Variants in XPNPEP2 observed in about 807,000 individuals in gnomAD.
XPNPEP2 encodes xaa-Pro aminopeptidase 2.
A neutral mutation model predicts 59.8 loss-of-function variants in XPNPEP2; 64 were observed. The observed-to-expected ratio is 1.07, with a 90% CI of 0.87 to 1.32. The LOEUF (loss-of-function observed/expected upper bound fraction) is 1.32. Ranked by LOEUF, XPNPEP2 falls within the 40% of genes most tolerant of loss-of-function variation. The pLI, the probability that XPNPEP2 is intolerant of heterozygous loss-of-function variation, is 0.00. For missense variants in XPNPEP2, 575 were observed against 546.8 expected, an observed-to-expected ratio of 1.05 and a Z score of -0.51; for synonymous variants, 235 against 210.0, an observed-to-expected ratio of 1.12 and a Z score of -1.03.
chrX:129,765,547 C>G (rs189109872), intron 19 of XPNPEP2, among the ~76,000 whole-genome samples: 191 of 110,349 alleles, frequency 1.7e-3, no homozygotes, highest in Non-Finnish European at 3.0e-3. Flanking sequence ...TGAGAATCAT[C>G]GAAGTCACTA....
Position 129,746,648 on chromosome X carries a change from C to T in XPNPEP2, c.457C>T (p.Arg153Cys), listed in dbSNP as rs199567476. The T allele has an allele frequency of 5.0e-6, 6 of 1,208,203 alleles. No homozygotes were observed. Among genetic ancestry groups the T allele is most frequent in the South Asian group, 1.8e-5 (1 of 56,657 alleles). The change falls in exon 6 of 21, where the codon CGT (arginine) becomes TGT (cysteine). Residue 153 changes from arginine to cysteine, a missense_variant. Physicochemically the swap from Arg to Cys is radical, Grantham distance 180. Transcript: ENST00000371106. ...CCTCACCGAGATTCCTGCTGGAGGG[C>T]GTGTGGGTTTTGACCCCTTCCTCTT... is the stretch of plus-strand genomic sequence containing the variant. ...WLLTEIPAGG[R>C]VGFDPFLLSI... is the part of the protein sequence containing the mutation.
rs779438075 is a variant in XPNPEP2, at chrX:129,769,514, C to T, written c.*1029C>T. On this transcript the variant is annotated 3_prime_UTR_variant, in exon 21 of 21. Coordinates refer to ENST00000371106, the MANE Select transcript of XPNPEP2 (RefSeq NM_003399.6). Reference sequence around the variant, plus strand: ...CACCTGGGTCCACATCCTGCTAAGACGTTTAAAACAGCCTAACAAAGACAC... The same window carrying T: ...CACCTGGGTCCACATCCTGCTAAGATGTTTAAAACAGCCTAACAAAGACAC... 3.6e-5 allele frequency: 4 copies of T among 112,221 alleles called. No individual in the cohort carries two copies. The South Asian group carries it at 1.1e-3, about 31-fold the overall frequency. 9.2% of individuals were successfully genotyped at this position (112,221 alleles called of 1,213,427 possible). A position where few individuals can be genotyped will look rare whatever the true frequency, so the allele number is the denominator to read the frequency against.
chrX:129,749,343 A>C (rs1926352947), intron 7 of XPNPEP2, among the ~76,000 whole-genome samples: 1 of 112,415 alleles, frequency 8.9e-6, no homozygotes, highest in Non-Finnish European at 1.9e-5. Context: ...CAACATTGTG[A>C]GTATGCTGAA....
chrX:129,762,746 T>C lies in XPNPEP2; in HGVS notation c.1716T>C (p.Ala572=). The change falls in exon 19 of 21, where the codon GCT becomes GCC. Residue 572 remains alanine, a synonymous_variant. Coordinates refer to ENST00000371106, the MANE Select transcript of XPNPEP2 (RefSeq NM_003399.6). ...TTGGGATCCGTCTCGAAGATGTGGC[T>C]CTCGTGGTAGAAGCAAAGACCAAGG... ...GEFGIRLEDV[A]LVVEAKTKYP... is the part of the protein sequence containing the mutation. 2 of 1,211,577 alleles carry C rather than the reference T, an allele frequency of 1.7e-6. No homozygotes were observed. The highest frequency in any genetic ancestry group is 1.1e-6 in the Non-Finnish European group (1 of 895,381).
In XPNPEP2 at chrX:129,756,404, A is replaced by G. The variant is rs755888123; in HGVS notation, c.1296-80A>G. 299 of 1,022,091 alleles carry G rather than the reference A, an allele frequency of 2.9e-4. 1 individual carries two copies. The South Asian group carries it at 5.4e-3, about 18-fold the overall frequency. 84.2% of individuals were successfully genotyped at this position (1,022,091 alleles called of 1,213,427 possible). On this transcript the variant is annotated intron_variant, in intron 13 of 20. Transcript: ENST00000371106. The stretch of plus-strand genomic sequence containing the variant: ...GGACTGGCCTGGAAGCCCAGGCCCC[A>G]GAGGTCCTCCCACCAAGGCCTCCCA...
chrX:129,751,635 GAA>G (rs1239502773), intron 8 of XPNPEP2, 108 bp from the exon 9 acceptor site: 20 of 455,373 alleles, frequency 4.4e-5, no homozygotes, highest in East Asian at 2.7e-4. Flanking sequence ...AGGAAGGAAG[GAA>G]GGAAGGGAGG....
intron 1 of XPNPEP2, 74 bp from the exon 2 acceptor site, chrX:129,742,034 T>G: frequency 1.0e-6 from 1 of 1,004,942 alleles, no homozygotes; most frequent in South Asian, 2.0e-5. Flanking sequence ...TGGGGCGGGC[T>G]GAGAGGATAC....
chrX:129,767,502 T>C (rs999328457), intron 19 of XPNPEP2, 101 bp from the exon 20 acceptor site: 18 of 850,833 alleles, frequency 2.1e-5, no homozygotes, highest in African/African-American at 2.0e-4. Context: ...GAGGCCCAGC[T>C]CCTTGTGTCC....
chrX:129,753,455 C>G (rs1926459396), intron 11 of XPNPEP2, among the ~76,000 whole-genome samples: 1 of 111,178 alleles, frequency 9.0e-6, no homozygotes, highest in Non-Finnish European at 1.9e-5. Flanking sequence ...GCAGCCTGGC[C>G]AACATGGTGA....
chrX:129,765,635 C>CTTTTTTTTTTTTTTTTTTTTTT (rs56014067), intron 19 of XPNPEP2, among the ~76,000 whole-genome samples: 3 of 67,338 alleles, frequency 4.5e-5, no homozygotes, highest in African/African-American at 1.8e-4. Flanking sequence ...TTCTTTCTTT[C>CTTTTTTTTTTTTTTTTTTTTTT]TTTTTTTTTT....
At chrX:129,752,065 A>G (rs1390917602) in intron 9 of XPNPEP2, 85 bp from the exon 10 acceptor site, 1 of 1,100,408 alleles carries the variant, frequency 9.1e-7, no homozygotes, top group Non-Finnish European at 1.2e-6. Flanking sequence ...TTTGACCTCC[A>G]GGAACAGAGG....
chrX:129,748,943 T>C, intron 7 of XPNPEP2, among the ~76,000 whole-genome samples: 1 of 111,539 alleles, frequency 9.0e-6, no homozygotes, highest in East Asian at 2.8e-4. Flanking sequence ...AATAAGCTTA[T>C]AAAGACGAGA....
At chrX:129,766,845 C>T (rs978057095) in intron 19 of XPNPEP2, among the ~76,000 whole-genome samples, 1 of 111,317 alleles carries the variant, frequency 9.0e-6, no homozygotes, top group East Asian at 2.8e-4. Flanking sequence ...TGGCAGAAGG[C>T]GAAGGGGAAG....
In XPNPEP2 at chrX:129,768,933, T is replaced by G; in HGVS notation, c.*448T>G. 8.6e-6 allele frequency: 1 copy of G among 115,903 alleles called. No homozygotes were observed. Among genetic ancestry groups the G allele is most frequent in the Non-Finnish European group, 1.8e-5 (1 of 55,115 alleles). The allele number at this position is 115,903 out of a possible 1,213,427, so 9.6% of individuals were successfully genotyped here. On this transcript the variant is annotated 3_prime_UTR_variant, in exon 21 of 21. Transcript: ENST00000371106. Reference sequence around the variant, plus strand: ...CACCTGTTGGGCATAGCCAGAGCTGTTCCCACCCAGCCAGGGCATGAAACA... The same window carrying G: ...CACCTGTTGGGCATAGCCAGAGCTGGTCCCACCCAGCCAGGGCATGAAACA...
intron 19 of XPNPEP2, among the ~76,000 whole-genome samples, chrX:129,763,630 G>A (rs1926696901): frequency 2.7e-5 from 3 of 111,258 alleles, no homozygotes; most frequent in Admixed American, 1.9e-4. Flanking sequence ...CTGTGACCAC[G>A]CCACTGCACT....
intron 7 of XPNPEP2, 125 bp downstream of exon 7, chrX:129,747,878 C>A (rs181903024): frequency 2.0e-6 from 2 of 983,197 alleles, no homozygotes; most frequent in Non-Finnish European, 2.9e-6. Context: ...TAGCATGCAC[C>A]TGAGTCACCT....
intron 8 of XPNPEP2, 40 bp from the exon 9 acceptor site, chrX:129,751,705 C>T (rs778427044): frequency 8.9e-7 from 1 of 1,126,581 alleles, no homozygotes; most frequent in East Asian, 3.0e-5. Context: ...TTGCCTCAGG[C>T]AGATCAGCAT....
chrX:129,768,375 G>C lies in XPNPEP2; in HGVS notation c.1915G>C (p.Glu639Gln). The C allele has an allele frequency of 8.3e-7, 1 of 1,210,062 alleles. No individual in the cohort carries two copies. The highest frequency in any genetic ancestry group is 1.8e-5 in the South Asian group (1 of 56,791). Residue 639 changes from glutamate to glutamine, a missense_variant, in exon 21 of 21, where the codon GAG becomes CAG. Coordinates refer to ENST00000371106, the MANE Select transcript of XPNPEP2 (RefSeq NM_003399.6). Reference protein sequence around the residue: ...LQRRQLLEEFEWLQQHTEPLA... With the variant: ...LQRRQLLEEFQWLQQHTEPLA... ...GAGGCGCCAGCTACTAGAGGAGTTC[G>C]AGTGGCTTCAACAGCACACAGAGCC...
intron 18 of XPNPEP2, among the ~76,000 whole-genome samples, chrX:129,762,466 G>T (rs755381733): frequency 8.9e-6 from 1 of 111,959 alleles, no homozygotes; most frequent in Admixed American, 9.4e-5. Context: ...CTGGGCTACA[G>T]GGAAGAGAGA....
Sources: allele counts gnomAD v4.1 joint callset (sites outside exome capture counted in the v4.1 genomes callset), GRCh38; gene constraint gnomAD v4.1.1; transcripts MANE v1.5; gene names NCBI Gene and HGNC (gene_info 2026-07-23, HGNC 2026-07-21).